Variants in CWC27 observed in about 807,000 individuals in gnomAD.
The protein encoded by CWC27 is spliceosome-associated protein CWC27 homolog.
A neutral mutation model predicts 63.6 loss-of-function variants in CWC27; 47 were observed. The observed-to-expected ratio is 0.74, with a 90% CI of 0.58 to 0.94. The LOEUF (loss-of-function observed/expected upper bound fraction) is 0.94. Among genes scored for constraint, CWC27 ranks in the 40% least tolerant of loss-of-function variants. The probability of loss-of-function intolerance (pLI) is 0.00; values close to 1 mark genes in which losing one functional copy is unlikely to be tolerated. For synonymous variants in CWC27, 175 were observed against 179.8 expected (o/e 0.97, Z 0.22); for missense variants, 495 against 554.3 (o/e 0.89, Z 1.07).
chr5:64,885,506 A>G lies in CWC27; in HGVS notation c.1002A>G (p.Lys334=), dbSNP rs1253459244. The change falls in exon 11 of 14, where the codon AAA becomes AAG. Residue 334 remains lysine, a synonymous_variant. Coordinates refer to ENST00000381070, the MANE Select transcript of CWC27 (RefSeq NM_005869.4). ...KRELLAAKQK[K]VENAAKQAEK... ...AACTCTTAGCAGCAAAACAAAAAAA[A>G]GTAGAAAATGCAGCAAAACAAGCAG... 1 of 1,607,734 alleles carries G rather than the reference A, an allele frequency of 6.2e-7. No individual in the cohort carries two copies. The highest frequency in any genetic ancestry group is 1.7e-5 in the Admixed American group (1 of 59,244).
chr5:64,999,363 T>C (rs1039799002), intron 13 of CWC27, among the ~76,000 whole-genome samples: 4 of 152,092 alleles, frequency 2.6e-5, no homozygotes, highest in African/African-American at 9.7e-5. Flanking sequence ...ACTTTTGAAC[T>C]CTTCTAGCTA....
chr5:64,935,394 T>A (rs561778497), intron 11 of CWC27, among the ~76,000 whole-genome samples: 2 of 152,332 alleles, frequency 1.3e-5, no homozygotes, highest in South Asian at 4.1e-4. Context: ...ATCAGGTTTA[T>A]CAAAAATCAG....
intron 13 of CWC27, among the ~76,000 whole-genome samples, chr5:64,979,741 T>A (rs1440370502): frequency 6.6e-6 from 1 of 152,208 alleles, no homozygotes; most frequent in African/African-American, 2.4e-5. Context: ...GGGTCTGTTA[T>A]CTGAGGTAAA....
At chr5:64,864,645 T>A (rs1746492253) in intron 10 of CWC27, among the ~76,000 whole-genome samples, 1 of 152,186 alleles carries the variant, frequency 6.6e-6, no homozygotes, top group Non-Finnish European at 1.5e-5. Context: ...AATTTCCGAA[T>A]TAGGATAAGT....
At chr5:64,886,595 G>T (rs1211818317) in intron 11 of CWC27, among the ~76,000 whole-genome samples, 2 of 152,096 alleles carry the variant, frequency 1.3e-5, no homozygotes, top group Admixed American at 1.3e-4. Context: ...TTGGCCATAG[G>T]TATTATTATT....
At chr5:64,798,545 A>G (rs1448855177) in intron 7 of CWC27, among the ~76,000 whole-genome samples, 1 of 152,206 alleles carries the variant, frequency 6.6e-6, no homozygotes, top group Non-Finnish European at 1.5e-5. Context: ...TTCAGATTCT[A>G]TGACTTTTTA....
chr5:64,786,967 C>A (rs1259088351), intron 6 of CWC27, among the ~76,000 whole-genome samples: 1 of 152,142 alleles, frequency 6.6e-6, no homozygotes, highest in African/African-American at 2.4e-5. Flanking sequence ...AAGCTTCAAT[C>A]GTGGAGGAAG....
intron 11 of CWC27, among the ~76,000 whole-genome samples, chr5:64,933,574 C>T (rs545208703): frequency 1.3e-5 from 2 of 151,114 alleles, no homozygotes; most frequent in South Asian, 4.2e-4. Context: ...CTCGCTGCAA[C>T]CTCCACCTCC....
chr5:64,778,031 C>T (rs1743521712), intron 2 of CWC27, among the ~76,000 whole-genome samples: 1 of 151,920 alleles, frequency 6.6e-6, no homozygotes, highest in African/African-American at 2.4e-5. Flanking sequence ...AAATAAAAAG[C>T]CAGCATCACT....
chr5:64,873,797 T>C (rs1363119809), intron 10 of CWC27, among the ~76,000 whole-genome samples: 2 of 152,110 alleles, frequency 1.3e-5, no homozygotes, highest in African/African-American at 4.8e-5. Flanking sequence ...TTTCTTTTAG[T>C]AGTTTTATAG....
At chr5:64,807,757 T>A in intron 10 of CWC27, 1 of 1,535,956 alleles carries the variant, frequency 6.5e-7, no homozygotes, top group Non-Finnish European at 8.7e-7. Context: ...TACTTCACAC[T>A]TCAAACTCAC....
chr5:64,812,457 A>G (rs1343780734), intron 10 of CWC27, among the ~76,000 whole-genome samples: 2 of 152,170 alleles, frequency 1.3e-5, no homozygotes, highest in African/African-American at 4.8e-5. Context: ...ATAGAAATCC[A>G]AGATCTATAT....
At chr5:64,772,830 G>A (rs1470754572) in intron 1 of CWC27, among the ~76,000 whole-genome samples, 19 of 151,086 alleles carry the variant, frequency 1.3e-4, no homozygotes, top group Admixed American at 8.6e-4. Context: ...CCAGCTACTC[G>A]GGAGGCTGAG....
chr5:64,942,071 A>G (rs1748493398), intron 11 of CWC27, among the ~76,000 whole-genome samples: 1 of 152,114 alleles, frequency 6.6e-6, no homozygotes, highest in African/African-American at 2.4e-5. Context: ...TTACATGTTG[A>G]ATATATTATA....
intron 10 of CWC27, among the ~76,000 whole-genome samples, chr5:64,852,272 A>G (rs944825748): frequency 1.3e-5 from 2 of 152,202 alleles, no homozygotes; most frequent in Non-Finnish European, 2.9e-5. Context: ...TAATAACTTT[A>G]GGTTGTATAC....
intron 11 of CWC27, among the ~76,000 whole-genome samples, chr5:64,901,766 T>A (rs1747516681): frequency 6.6e-6 from 1 of 152,226 alleles, no homozygotes; most frequent in South Asian, 2.1e-4. Context: ...AAAACACAAA[T>A]ACATTATACA....
At position 64,839,938 on chromosome 5, in the gene CWC27, G is replaced by C. The variant is rs191914678; in HGVS notation, c.938+35552G>C. Among the ~76,000 whole-genome samples the C allele has an allele frequency of 1.1e-4, 16 of 152,164 alleles. No individual in the cohort carries two copies. In the East Asian group the frequency reaches 2.3e-3, roughly 22 times the overall value. ...AGGACTCCTGACACATCCTATAAAGGGACATTGTAACTTCAGGGTCATATG... is the reference window on the plus strand; with the variant it reads ...AGGACTCCTGACACATCCTATAAAGCGACATTGTAACTTCAGGGTCATATG... On this transcript the variant is annotated intron_variant, in intron 10 of 13. Transcript: ENST00000381070.
In CWC27 at chr5:64,778,127, G is replaced by A. The variant is rs565157742; in HGVS notation, c.139+3340G>A. Reference sequence around the variant, plus strand: ...CACAAGTAATAAAGACCTCTTTCATGTCCTTTTTCCGTCACAGGTAACATA... The same window carrying A: ...CACAAGTAATAAAGACCTCTTTCATATCCTTTTTCCGTCACAGGTAACATA... On this transcript the variant is annotated intron_variant, in intron 2 of 13. Coordinates refer to ENST00000381070, the MANE Select transcript of CWC27 (RefSeq NM_005869.4). Among the ~76,000 whole-genome samples the A allele has an allele frequency of 1.5e-4, 23 of 152,288 alleles. No individual in the cohort carries two copies. The South Asian group carries it at 4.8e-3, about 32-fold the overall frequency.
At chr5:64,807,469 A>G (rs984881554) in intron 10 of CWC27, 2 of 1,235,860 alleles carry the variant, frequency 1.6e-6, no homozygotes, top group Non-Finnish European at 2.1e-6. Flanking sequence ...CAGGGGAAAT[A>G]CAAATCCAAA....
Sources: gnomAD v4.1 joint callset for allele counts (sites outside exome capture counted in the v4.1 genomes callset) on GRCh38, gnomAD v4.1.1 for gene constraint, MANE v1.5 for transcripts, NCBI Gene and HGNC (gene_info 2026-07-23, HGNC 2026-07-21) for gene names.